Variants in SGCZ observed in about 807,000 individuals in gnomAD.
SGCZ encodes sarcoglycan zeta.
In SGCZ, 40 loss-of-function variants were observed where a neutral mutation model predicts 41.3. The observed-to-expected ratio is 0.97, with a 90% CI of 0.75 to 1.26. SGCZ has a LOEUF of 1.26. Among genes scored for constraint, SGCZ ranks in the 50% most tolerant of loss-of-function variants. The probability of loss-of-function intolerance (pLI) is 0.00; values close to 1 mark genes in which losing one functional copy is unlikely to be tolerated. For missense variants in SGCZ, 552 were observed against 369.8 expected (o/e 1.49, Z -4.04); for synonymous variants, 206 against 137.5 (o/e 1.50, Z -3.49).
At chr8:15,002,961 T>C (rs947264092) in intron 1 of SGCZ, among the ~76,000 whole-genome samples, 1 of 152,104 alleles carries the variant, frequency 6.6e-6, no homozygotes, top group Non-Finnish European at 1.5e-5. Context: ...CAAGATCTGA[T>C]GGTTTTATAA....
At chr8:14,796,807 C>G (rs1352565136) in intron 1 of SGCZ, among the ~76,000 whole-genome samples, 2 of 152,242 alleles carry the variant, frequency 1.3e-5, no homozygotes, top group South Asian at 4.1e-4. Flanking sequence ...TGGGAGGTAA[C>G]TGAATCATGC....
chr8:14,401,337 G>A (rs1038667644), intron 2 of SGCZ, among the ~76,000 whole-genome samples: 15 of 150,642 alleles, frequency 1.0e-4, no homozygotes, highest in African/African-American at 3.7e-4. Context: ...TGCACATTGT[G>A]CAGGTTAGTT....
At chr8:14,688,689 G>A (rs536483967) in intron 1 of SGCZ, among the ~76,000 whole-genome samples, 2 of 152,036 alleles carry the variant, frequency 1.3e-5, no homozygotes, top group Non-Finnish European at 2.9e-5. Flanking sequence ...CTCTTTTTTG[G>A]TGCCATATGA....
intron 2 of SGCZ, among the ~76,000 whole-genome samples, chr8:14,375,648 C>CAT (rs751122531): frequency 6.6e-6 from 1 of 151,964 alleles, no homozygotes; most frequent in Non-Finnish European, 1.5e-5. Context: ...TGAAACAGAA[C>CAT]ATATATATGA....
intron 3 of SGCZ, among the ~76,000 whole-genome samples, chr8:14,250,795 T>A (rs1799255629): frequency 6.6e-6 from 1 of 152,190 alleles, no homozygotes; most frequent in South Asian, 2.1e-4. Flanking sequence ...CACCCAAGGC[T>A]CCTTCCCTGT....
chr8:14,201,849 G>T lies in SGCZ; in HGVS notation c.424+35743C>A, dbSNP rs567007426. Among the ~76,000 whole-genome samples the T allele has an allele frequency of 8.8e-5, 13 of 147,454 alleles. No homozygotes were observed. The South Asian group carries it at 2.7e-3, about 31-fold the overall frequency. ...AGATTATCAGAAGTATCACTAGTGA[G>T]ATCTTTAAAAAACAACAACAATAAC... is the stretch of plus-strand genomic sequence containing the variant. On this transcript the variant is annotated intron_variant, in intron 4 of 7. Transcript: ENST00000382080.
rs193219320 is a variant in SGCZ, at chr8:14,329,678, C to T, written c.235-5474G>A. Among the ~76,000 whole-genome samples, 3 of 152,240 alleles carry T rather than the reference C, an allele frequency of 2.0e-5. No individual in the cohort carries two copies. In the East Asian group the frequency reaches 5.8e-4, roughly 29 times the overall value. On this transcript the variant is annotated intron_variant, in intron 2 of 7. Coordinates refer to ENST00000382080, the MANE Select transcript of SGCZ (RefSeq NM_139167.4). ...ATATTTACTATGCTTTCTAAATAATCCACTGTGATCATCATATTCTTGTTT... is the reference window on the plus strand; with the variant it reads ...ATATTTACTATGCTTTCTAAATAATTCACTGTGATCATCATATTCTTGTTT...
At chr8:14,892,078 A>T (rs1805037731) in intron 1 of SGCZ, among the ~76,000 whole-genome samples, 1 of 152,170 alleles carries the variant, frequency 6.6e-6, no homozygotes, top group African/African-American at 2.4e-5. Context: ...TATATCTAAG[A>T]TATGCTTATA....
At chr8:15,142,223 T>C (rs568721794) in intron 1 of SGCZ, among the ~76,000 whole-genome samples, 36 of 152,250 alleles carry the variant, frequency 2.4e-4, no homozygotes, top group South Asian at 1.9e-3. Flanking sequence ...TAAGATTTTA[T>C]TGAGGGGTAG....
chr8:14,796,253 A>G (rs943959590), intron 1 of SGCZ, among the ~76,000 whole-genome samples: 1 of 152,120 alleles, frequency 6.6e-6, no homozygotes, highest in East Asian at 1.9e-4. Flanking sequence ...TCACTCCACA[A>G]TCTTCCAGAA....
chr8:14,288,978 A>AGTC (rs1800746493), intron 3 of SGCZ, among the ~76,000 whole-genome samples: 3 of 152,020 alleles, frequency 2.0e-5, no homozygotes, highest in Admixed American at 6.6e-5. Context: ...ATTCCAGGGG[A>AGTC]CTGCAATGAT....
intron 1 of SGCZ, among the ~76,000 whole-genome samples, chr8:14,921,709 T>C (rs973653345): frequency 6.6e-6 from 1 of 152,110 alleles, no homozygotes; most frequent in African/African-American, 2.4e-5. Context: ...TTAGTAACAG[T>C]CAAAAAATTG....
At chr8:14,253,242 G>GC (rs1799347687) in intron 3 of SGCZ, among the ~76,000 whole-genome samples, 5 of 89,992 alleles carry the variant, frequency 5.6e-5, no homozygotes, top group Admixed American at 5.1e-4. Context: ...GTTGTGTGTA[G>GC]GGTGTGTGTG....
At chr8:14,809,135 A>G (rs1388912883) in intron 1 of SGCZ, among the ~76,000 whole-genome samples, 1 of 152,110 alleles carries the variant, frequency 6.6e-6, no homozygotes, top group Admixed American at 6.6e-5. Flanking sequence ...ATGCTAGATG[A>G]CAAGTTAGTG....
At chr8:15,231,511 C>T (rs2117207979) in intron 1 of SGCZ, among the ~76,000 whole-genome samples, 1 of 150,780 alleles carries the variant, frequency 6.6e-6, no homozygotes, top group East Asian at 2.0e-4. Flanking sequence ...AGTCTCTCAT[C>T]AGTTTCACTG....
chr8:14,878,567 C>G (rs946814151), intron 1 of SGCZ, among the ~76,000 whole-genome samples: 2 of 151,942 alleles, frequency 1.3e-5, no homozygotes, highest in African/African-American at 4.8e-5. Context: ...AGTTGAATGT[C>G]GATATCTTCC....
At chr8:14,978,042 G>T (rs991065691) in intron 1 of SGCZ, among the ~76,000 whole-genome samples, 1 of 151,832 alleles carries the variant, frequency 6.6e-6, no homozygotes, top group African/African-American at 2.4e-5. Flanking sequence ...CATATTTATA[G>T]CTCTGAAGTT....
intron 5 of SGCZ, among the ~76,000 whole-genome samples, chr8:14,108,471 G>A (rs1468200430): frequency 6.6e-6 from 1 of 152,136 alleles, no homozygotes; most frequent in Non-Finnish European, 1.5e-5. Context: ...CATGGCGGGA[G>A]GCAACAGGCA....
intron 1 of SGCZ, among the ~76,000 whole-genome samples, chr8:15,033,663 T>C (rs558928787): frequency 1.3e-5 from 2 of 152,236 alleles, no homozygotes; most frequent in Admixed American, 6.5e-5. Flanking sequence ...CGCATCCCAG[T>C]GGACCTAGGC....
Sources: gnomAD v4.1 joint callset for allele counts (sites outside exome capture counted in the v4.1 genomes callset) on GRCh38, gnomAD v4.1.1 for gene constraint, MANE v1.5 for transcripts, NCBI Gene and HGNC (gene_info 2026-07-23, HGNC 2026-07-21) for gene names.